The following AUTS2 variants were observed in gnomAD, a reference collection of about 807,000 sequenced individuals.
AUTS2 encodes the protein activator of transcription and developmental regulator AUTS2.
In AUTS2, 17 loss-of-function variants were observed where a neutral mutation model predicts 112.4. The observed-to-expected ratio is 0.15, with a 90% confidence interval of 0.10 to 0.23. AUTS2 has a LOEUF of 0.23. Among genes scored for constraint, AUTS2 ranks in the 10% least tolerant of loss-of-function variants. AUTS2 has a pLI of 1.00. For synonymous variants in AUTS2, 751 were observed against 702.7 expected, an observed-to-expected ratio of 1.07 and a Z score of -1.09; for missense variants, 1,510 against 1,701.6, an observed-to-expected ratio of 0.89 and a Z score of 1.98.
chr7:70,383,678 A>C (rs1248839135), intron 4 of AUTS2, among the ~76,000 whole-genome samples: 1 of 152,194 alleles, frequency 6.6e-6, no homozygotes. Context: ...TGTTTTTTCC[A>C]CAGTAAGGGT....
intron 4 of AUTS2, among the ~76,000 whole-genome samples, chr7:70,402,288 G>A (rs1794358921): frequency 6.6e-6 from 1 of 152,236 alleles, no homozygotes; most frequent in South Asian, 2.1e-4. Flanking sequence ...ATGAAGCTGT[G>A]ACTTGATAGG....
intron 1 of AUTS2, among the ~76,000 whole-genome samples, chr7:69,736,208 C>G (rs1021541803): frequency 1.3e-5 from 2 of 152,090 alleles, no homozygotes; most frequent in African/African-American, 4.8e-5. Flanking sequence ...GATCCATGCC[C>G]CATCCTTCCT....
intron 1 of AUTS2, among the ~76,000 whole-genome samples, chr7:69,600,520 C>G (rs1792330387): frequency 6.8e-6 from 1 of 147,348 alleles, no homozygotes; most frequent in Non-Finnish European, 1.5e-5. Context: ...GCGCCTCCCC[C>G]CATTACCCCC....
chr7:70,582,094 T>C (rs532477356), intron 5 of AUTS2, among the ~76,000 whole-genome samples: 92 of 151,882 alleles, frequency 6.1e-4, no homozygotes, highest in Non-Finnish European at 9.7e-4. Flanking sequence ...GTCAAACATC[T>C]AGTTGGTAGT....
intron 1 of AUTS2, among the ~76,000 whole-genome samples, chr7:69,681,230 CTCT>C (rs778258746): frequency 1.3e-5 from 2 of 152,212 alleles, no homozygotes; most frequent in Admixed American, 6.5e-5. Flanking sequence ...GTGCAAATTT[CTCT>C]TCAAGATCCT....
Position 70,566,103 on chromosome 7 carries a change from A to T in AUTS2, c.690+130322A>T, listed in dbSNP as rs557451154. Among the ~76,000 whole-genome samples the T allele has an allele frequency of 4.6e-5, 7 of 152,344 alleles. No individual in the cohort carries two copies. The South Asian group carries it at 1.2e-3, about 27-fold the overall frequency. ...GGAAGGTCCAGAATATGAAGCAAAG[A>T]ATCCGATCCATTCAGAAACCAAGAA... On this transcript the variant is annotated intron_variant, in intron 5 of 18. Coordinates refer to ENST00000342771, the MANE Select transcript of AUTS2 (RefSeq NM_015570.4).
chr7:70,643,642 T>A (rs1054510064), intron 5 of AUTS2, among the ~76,000 whole-genome samples: 1 of 152,176 alleles, frequency 6.6e-6, no homozygotes, highest in African/African-American at 2.4e-5. Flanking sequence ...CTCTGCTGAT[T>A]TTCTGATTTT....
intron 5 of AUTS2, among the ~76,000 whole-genome samples, chr7:70,507,229 T>A (rs1799000023): frequency 6.6e-6 from 1 of 152,098 alleles, no homozygotes; most frequent in Non-Finnish European, 1.5e-5. Context: ...CCTTTATCAT[T>A]TGGTAAATTG....
At chr7:70,032,039 G>A (rs1257500597) in intron 2 of AUTS2, among the ~76,000 whole-genome samples, 2 of 152,064 alleles carry the variant, frequency 1.3e-5, no homozygotes, top group African/African-American at 2.4e-5. Context: ...CGGGGTTAAC[G>A]TTTCTGACTA....
chr7:70,357,209 A>G (rs1409628543), intron 4 of AUTS2, among the ~76,000 whole-genome samples: 1 of 152,172 alleles, frequency 6.6e-6, no homozygotes, highest in African/African-American at 2.4e-5. Flanking sequence ...GCAGGGGAAG[A>G]ATGCTTCACA....
At position 69,599,557 on chromosome 7, in the gene AUTS2, G is replaced by T; in HGVS notation, c.-97G>T. ...GCCCTCCTCGGGGCGGAGGGAAGCC[G>T]TGAAGGGGGAGGGAGGGCTCGGTGT... On this transcript the variant is annotated 5_prime_UTR_variant, in exon 1 of 19. Coordinates refer to ENST00000342771, the MANE Select transcript of AUTS2 (RefSeq NM_015570.4). This position sits in a 1 kb window ranked among gnomAD's most constrained non-coding sequence, Gnocchi z 7.0. The T allele has an allele frequency of 1.7e-6, 2 of 1,150,158 alleles. No homozygotes were observed. The highest frequency in any genetic ancestry group is 6.8e-5 in the East Asian group (2 of 29,532). 71.2% of individuals were successfully genotyped at this position (1,150,158 alleles called of 1,614,324 possible).
chr7:70,636,603 G>A (rs781174290), intron 5 of AUTS2, among the ~76,000 whole-genome samples: 4 of 151,920 alleles, frequency 2.6e-5, no homozygotes, highest in South Asian at 4.2e-4. Context: ...CATCATCTCC[G>A]TGGATTTTGT....
chr7:70,688,241 A>G (rs536571669), intron 5 of AUTS2, among the ~76,000 whole-genome samples: 1 of 152,290 alleles, frequency 6.6e-6, no homozygotes, highest in African/African-American at 2.4e-5. Context: ...CATCATGGGT[A>G]TGTTGAGCAA....
chr7:70,206,084 G>A (rs1445449677), intron 4 of AUTS2, among the ~76,000 whole-genome samples: 1 of 152,136 alleles, frequency 6.6e-6, no homozygotes, highest in East Asian at 1.9e-4. Flanking sequence ...CTTGTTGTAG[G>A]ACATATGGCT....
intron 1 of AUTS2, among the ~76,000 whole-genome samples, chr7:69,737,979 C>G (rs1787105615): frequency 6.6e-6 from 1 of 152,110 alleles, no homozygotes; most frequent in Admixed American, 6.6e-5. Flanking sequence ...ATCCACAGAT[C>G]CCTCACCAAT....
At chr7:69,753,447 C>T (rs1787823565) in intron 1 of AUTS2, among the ~76,000 whole-genome samples, 1 of 151,940 alleles carries the variant, frequency 6.6e-6, no homozygotes, top group African/African-American at 2.4e-5. Flanking sequence ...AATTCTGTTC[C>T]CCAGTGGCTC....
chr7:69,830,934 T>C (rs964570583), intron 1 of AUTS2, among the ~76,000 whole-genome samples: 1 of 152,164 alleles, frequency 6.6e-6, no homozygotes, highest in Non-Finnish European at 1.5e-5. Flanking sequence ...TTTCATCTTC[T>C]TTTCCCATCA....
chr7:70,615,788 C>G (rs900622542), intron 5 of AUTS2, among the ~76,000 whole-genome samples: 6 of 152,012 alleles, frequency 3.9e-5, no homozygotes, highest in African/African-American at 1.5e-4. Flanking sequence ...CTCTGTTGCC[C>G]AGGATAGAGT....
chr7:70,430,585 G>T (rs1795616189), intron 4 of AUTS2, among the ~76,000 whole-genome samples: 1 of 152,076 alleles, frequency 6.6e-6, no homozygotes, highest in Non-Finnish European at 1.5e-5. Flanking sequence ...AATCTTTAAG[G>T]TCTCCCTTGA....
Sources: allele counts gnomAD v4.1 joint callset (sites outside exome capture counted in the v4.1 genomes callset), GRCh38; gene constraint gnomAD v4.1.1; non-coding constraint Gnocchi (gnomAD v3.1); transcripts MANE v1.5; gene names NCBI Gene and HGNC (gene_info 2026-07-23, HGNC 2026-07-21).